INTS9: variants seen among roughly 807,000 people sequenced by gnomAD.
The protein encoded by INTS9 is protein related to CPSF subunits of 74 kDa.
Under a neutral mutation model 79.7 loss-of-function variants are expected in INTS9, and 55 were observed. The observed-to-expected ratio is 0.69, with a 90% CI of 0.56 to 0.86. The LOEUF is 0.86. Ranked by LOEUF, INTS9 falls within the 40% of genes least tolerant of loss-of-function variation. The pLI, the probability that INTS9 is intolerant of heterozygous loss-of-function variation, is 0.00. For synonymous variants in INTS9, 319 were observed against 325.2 expected, an observed-to-expected ratio of 0.98 and a Z score of 0.20; for missense variants, 721 against 831.5, an observed-to-expected ratio of 0.87 and a Z score of 1.64.
At chr8:28,844,577 G>A (rs1156354630) in intron 4 of INTS9, among the ~76,000 whole-genome samples, 1 of 152,136 alleles carries the variant, frequency 6.6e-6, no homozygotes, top group African/African-American at 2.4e-5. Flanking sequence ...TGTAATCCCA[G>A]CACTTTGGGA....
intron 1 of INTS9, among the ~76,000 whole-genome samples, chr8:28,869,752 C>T (rs1808964245): frequency 6.6e-6 from 1 of 152,178 alleles, no homozygotes; most frequent in Non-Finnish European, 1.5e-5. Context: ...AAACTGACTA[C>T]ACAGCTGGAT....
At chr8:28,836,682 T>C (rs1253924809) in intron 5 of INTS9, among the ~76,000 whole-genome samples, 3 of 152,348 alleles carry the variant, frequency 2.0e-5, no homozygotes, top group South Asian at 2.1e-4. Context: ...CTCACTGCTT[T>C]AACTTTTCCA....
chr8:28,863,644 C>T (rs932887821), intron 1 of INTS9, among the ~76,000 whole-genome samples: 2 of 152,178 alleles, frequency 1.3e-5, no homozygotes, highest in East Asian at 1.9e-4. Flanking sequence ...GGCATGGTGG[C>T]GAGTGCCTGT....
chr8:28,787,763 G>T, intron 11 of INTS9, 66 bp downstream of exon 11: 1 of 1,147,750 alleles, frequency 8.7e-7, no homozygotes, highest in South Asian at 1.3e-5. Context: ...ACGACCTGCT[G>T]TCTGCATCTG....
intron 7 of INTS9, among the ~76,000 whole-genome samples, chr8:28,813,279 G>A (rs1805264868): frequency 6.6e-6 from 1 of 152,134 alleles, no homozygotes; most frequent in Non-Finnish European, 1.5e-5. Flanking sequence ...CTCCCTGCAC[G>A]CTGGCCAATC....
intron 6 of INTS9, among the ~76,000 whole-genome samples, chr8:28,818,896 G>C (rs1348960444): frequency 7.3e-5 from 11 of 151,596 alleles, no homozygotes; most frequent in Admixed American, 3.3e-4. Flanking sequence ...TGTATGTGTC[G>C]AGGAATTTAT....
intron 1 of INTS9, among the ~76,000 whole-genome samples, chr8:28,866,723 TC>T (rs750492737): frequency 2.6e-5 from 4 of 152,202 alleles, no homozygotes; most frequent in African/African-American, 4.8e-5. Context: ...ACGCCTGTAA[TC>T]CCAGCACTTT....
chr8:28,844,213 A>G (rs1300182796), intron 4 of INTS9, among the ~76,000 whole-genome samples: 1 of 152,190 alleles, frequency 6.6e-6, no homozygotes, highest in African/African-American at 2.4e-5. Flanking sequence ...GTTGTCACGT[A>G]TGGTCTGTAA....
intron 4 of INTS9, among the ~76,000 whole-genome samples, chr8:28,843,410 T>G (rs1330935141): frequency 1.3e-5 from 2 of 152,244 alleles, no homozygotes; most frequent in Non-Finnish European, 2.9e-5. Context: ...AGGCAGATAG[T>G]CTTTCTCCTC....
At chr8:28,856,711 C>A (rs1234229805) in intron 2 of INTS9, among the ~76,000 whole-genome samples, 1 of 152,148 alleles carries the variant, frequency 6.6e-6, no homozygotes, top group African/African-American at 2.4e-5. Flanking sequence ...GAGCAATTTA[C>A]TTTTTGTTAT....
intron 6 of INTS9, among the ~76,000 whole-genome samples, chr8:28,813,922 G>A (rs891219975): frequency 2.6e-5 from 4 of 151,720 alleles, no homozygotes; most frequent in East Asian, 3.9e-4. Flanking sequence ...CACCATGCCC[G>A]GCTAATTTTT....
At chr8:28,826,884 CAAGT>C (rs1006717581) in intron 6 of INTS9, among the ~76,000 whole-genome samples, 3 of 152,288 alleles carry the variant, frequency 2.0e-5, no homozygotes, top group Non-Finnish European at 4.4e-5. Flanking sequence ...AGTTACTCAA[CAAGT>C]AAGTGAAGTT....
intron 8 of INTS9, among the ~76,000 whole-genome samples, chr8:28,802,734 A>C (rs574068598): frequency 1.3e-5 from 2 of 152,324 alleles, no homozygotes; most frequent in African/African-American, 4.8e-5. Flanking sequence ...GAGTAACAAC[A>C]AAATATTCTA....
intron 8 of INTS9, chr8:28,798,230 T>TA (rs1367905496): frequency 6.6e-6 from 1 of 152,240 alleles, no homozygotes; most frequent in Non-Finnish European, 1.5e-5. Context: ...GGAAGGGAAG[T>TA]ACAGGACAGT....
intron 10 of INTS9, among the ~76,000 whole-genome samples, chr8:28,788,606 A>C (rs1489940359): frequency 6.6e-6 from 1 of 152,118 alleles, no homozygotes; most frequent in African/African-American, 2.4e-5. Context: ...TTTAGTAGAG[A>C]CGGGGTTTCA....
At chr8:28,803,612 A>C (rs966208342) in intron 8 of INTS9, among the ~76,000 whole-genome samples, 1 of 152,204 alleles carries the variant, frequency 6.6e-6, no homozygotes, top group Non-Finnish European at 1.5e-5. Flanking sequence ...TATCCACGCG[A>C]CAGACCACCA....
At chr8:28,826,034 G>A (rs1368728322) in intron 6 of INTS9, among the ~76,000 whole-genome samples, 1 of 152,172 alleles carries the variant, frequency 6.6e-6, no homozygotes, top group Non-Finnish European at 1.5e-5. Flanking sequence ...ACAGCTACTA[G>A]TAGCTGACAG....
chr8:28,830,408 C>T (rs184556172), intron 6 of INTS9, among the ~76,000 whole-genome samples: 1 of 151,876 alleles, frequency 6.6e-6, no homozygotes, highest in African/African-American at 2.4e-5. Context: ...CTGAGGTGGG[C>T]GGATCACTTG....
At chr8:28,772,133 T>C (rs895143113) in intron 14 of INTS9, among the ~76,000 whole-genome samples, 1 of 152,170 alleles carries the variant, frequency 6.6e-6, no homozygotes, top group African/African-American at 2.4e-5. Context: ...AGGGCTGGGA[T>C]TACAGGCCTG....
Sources: gnomAD v4.1 joint callset for allele counts (sites outside exome capture counted in the v4.1 genomes callset) on GRCh38, gnomAD v4.1.1 for gene constraint, MANE v1.5 for transcripts, NCBI Gene and HGNC (gene_info 2026-07-23, HGNC 2026-07-21) for gene names.